SH3GL2: variants seen among roughly 807,000 people sequenced by gnomAD.
SH3GL2 encodes SH3 domain containing GRB2 like 2, endophilin A1.
A neutral mutation model predicts 46.0 loss-of-function variants in SH3GL2; 24 were observed. The ratio of observed to expected loss-of-function variants is 0.52; its 90% CI spans 0.38 to 0.73. The LOEUF is 0.73. Ranked by LOEUF, SH3GL2 falls within the 30% of genes least tolerant of loss-of-function variation. The pLI, the probability that SH3GL2 is intolerant of heterozygous loss-of-function variation, is 0.00. For synonymous variants in SH3GL2, 196 were observed against 147.1 expected (o/e 1.33, Z -2.40); for missense variants, 413 against 424.2 (o/e 0.97, Z 0.23).
intron 1 of SH3GL2, among the ~76,000 whole-genome samples, chr9:17,675,254 C>A (rs997014259): frequency 1.3e-5 from 2 of 152,074 alleles, no homozygotes; most frequent in Admixed American, 6.5e-5. Flanking sequence ...ATAGCACATA[C>A]CAGATTTTTA....
rs139257327 is a variant in SH3GL2 at position 17,637,378 on chromosome 9, G to A, written c.45+58091G>A. ...ATAAGAGGCTGTTTTAGAACTCTGG[G>A]GACATTGAATTCCCATAAACGTCTG... On this transcript the variant is annotated intron_variant, in intron 1 of 8. Transcript: ENST00000380607. Among the ~76,000 whole-genome samples the A allele has an allele frequency of 3.7e-4, 56 of 152,126 alleles. 1 individual carries two copies. In the East Asian group the frequency reaches 0.011, roughly 29 times the overall value.
chr9:17,683,039 G>A (rs1018048898), intron 1 of SH3GL2, among the ~76,000 whole-genome samples: 73 of 152,048 alleles, frequency 4.8e-4, no homozygotes, highest in Non-Finnish European at 1.3e-4. Flanking sequence ...CGGTCATAGA[G>A]CAACTAACTA....
chr9:17,597,579 G>T (rs1246855520), intron 1 of SH3GL2, among the ~76,000 whole-genome samples: 3 of 151,952 alleles, frequency 2.0e-5, no homozygotes, highest in Non-Finnish European at 4.4e-5. Context: ...TAGCATAATT[G>T]AACTTTGTTA....
intron 1 of SH3GL2, among the ~76,000 whole-genome samples, chr9:17,645,320 T>A (rs1796166622): frequency 6.6e-6 from 1 of 152,052 alleles, no homozygotes; most frequent in South Asian, 2.1e-4. Context: ...CTTGAATCTT[T>A]ATGCAATTTG....
intron 3 of SH3GL2, among the ~76,000 whole-genome samples, chr9:17,764,217 G>A (rs995364380): frequency 3.3e-5 from 5 of 152,292 alleles, no homozygotes; most frequent in African/African-American, 1.2e-4. Context: ...GTACTACCCA[G>A]AAGAGTCCAG....
intron 1 of SH3GL2, among the ~76,000 whole-genome samples, chr9:17,598,431 C>T (rs1406571549): frequency 1.3e-5 from 2 of 152,288 alleles, no homozygotes; most frequent in East Asian, 1.9e-4. Flanking sequence ...AACTCTGTCT[C>T]ACAGAAATGT....
chr9:17,701,437 C>T (rs1821340667), intron 1 of SH3GL2, among the ~76,000 whole-genome samples: 1 of 151,884 alleles, frequency 6.6e-6, no homozygotes, highest in Non-Finnish European at 1.5e-5. Flanking sequence ...TTGAGTATAT[C>T]GTGTATCATT....
intron 1 of SH3GL2, among the ~76,000 whole-genome samples, chr9:17,676,055 G>C (rs948633596): frequency 2.6e-5 from 4 of 152,248 alleles, no homozygotes; most frequent in African/African-American, 7.2e-5. Flanking sequence ...ACCAAAGGGG[G>C]CTGGAGAGTG....
intron 1 of SH3GL2, among the ~76,000 whole-genome samples, chr9:17,596,117 G>A (rs1349871621): frequency 3.3e-5 from 5 of 152,086 alleles, no homozygotes; most frequent in Non-Finnish European, 5.9e-5. Context: ...CCAGTTTCTA[G>A]CCAAGTTCTA....
intron 1 of SH3GL2, among the ~76,000 whole-genome samples, chr9:17,624,711 A>C (rs1444760220): frequency 6.6e-6 from 1 of 152,216 alleles, no homozygotes; most frequent in African/African-American, 2.4e-5. Flanking sequence ...ACTTTCTGGC[A>C]TAACAATGTG....
chr9:17,630,254 T>A (rs1819388857), intron 1 of SH3GL2: 1 of 152,242 alleles, frequency 6.6e-6, no homozygotes, highest in South Asian at 2.1e-4. Flanking sequence ...ATGAAAGCTC[T>A]GAAATATTTA....
intron 1 of SH3GL2, among the ~76,000 whole-genome samples, chr9:17,703,010 C>G (rs1049428628): frequency 6.6e-6 from 1 of 151,972 alleles, no homozygotes; most frequent in Non-Finnish European, 1.5e-5. Context: ...TTAAAAATCG[C>G]TTAGGACTGC....
chr9:17,637,095 A>AACTGAAGTTGTTGAGTG (rs1354127160), intron 1 of SH3GL2, among the ~76,000 whole-genome samples: 11 of 152,206 alleles, frequency 7.2e-5, no homozygotes, highest in Non-Finnish European at 1.5e-5. Context: ...GTCTGAGAAG[A>AACTGAAGTTGTTGAGTG]ACTGAAGTTG....
chr9:17,686,579 C>T (rs1029923812), intron 1 of SH3GL2, among the ~76,000 whole-genome samples: 36 of 147,108 alleles, frequency 2.4e-4, no homozygotes, highest in Middle Eastern at 6.9e-3. Context: ...GAAAATGTGG[C>T]ACATATACAC....
chr9:17,646,410 T>C lies in SH3GL2; in HGVS notation c.45+67123T>C, dbSNP rs186134420. Among the ~76,000 whole-genome samples, 11 of 152,184 alleles carry C rather than the reference T, an allele frequency of 7.2e-5. No individual in the cohort carries two copies. In the East Asian group the frequency reaches 1.8e-3, roughly 24 times the overall value. Reference sequence around the variant, plus strand: ...AAACTCCTTCTCTGTCCAGTTTTGCTCCTTTGCTGGCAAGGAGTTGTGATC... The same window carrying C: ...AAACTCCTTCTCTGTCCAGTTTTGCCCCTTTGCTGGCAAGGAGTTGTGATC... On this transcript the variant is annotated intron_variant, in intron 1 of 8. Transcript: ENST00000380607.
intron 1 of SH3GL2, among the ~76,000 whole-genome samples, chr9:17,738,692 A>C: frequency 6.8e-6 from 1 of 146,598 alleles, no homozygotes; most frequent in African/African-American, 2.5e-5. Flanking sequence ...ATTTCAAGGA[A>C]TTGCCTCATG....
intron 1 of SH3GL2, among the ~76,000 whole-genome samples, chr9:17,683,745 T>C (rs2118066012): frequency 6.6e-6 from 1 of 152,098 alleles, no homozygotes; most frequent in Non-Finnish European, 1.5e-5. Context: ...AAGACCTCCC[T>C]AAGGTACAGG....
chr9:17,760,779 C>A (rs761063950), intron 2 of SH3GL2, among the ~76,000 whole-genome samples: 1 of 152,136 alleles, frequency 6.6e-6, no homozygotes, highest in Non-Finnish European at 1.5e-5. Context: ...ACAGAGAGCA[C>A]TGCAGTGAGC....
intron 2 of SH3GL2, among the ~76,000 whole-genome samples, chr9:17,747,511 C>G (rs1024991815): frequency 6.6e-6 from 1 of 152,070 alleles, no homozygotes; most frequent in Non-Finnish European, 1.5e-5. Flanking sequence ...CACTTTCTGG[C>G]TTTAAGGACC....
Sources: gnomAD v4.1 joint callset for allele counts (sites outside exome capture counted in the v4.1 genomes callset) on GRCh38, gnomAD v4.1.1 for gene constraint, MANE v1.5 for transcripts, NCBI Gene and HGNC (gene_info 2026-07-23, HGNC 2026-07-21) for gene names.